Variants in TPRG1 observed in about 807,000 individuals in gnomAD.
TPRG1 encodes tumor protein p63 regulated 1.
TPRG1 carries 29 observed loss-of-function variants against 29.3 expected under a neutral mutation model. That is an observed-to-expected ratio of 0.99 (90% CI 0.74 to 1.35). The LOEUF (loss-of-function observed/expected upper bound fraction) is 1.35. Ranked by LOEUF, TPRG1 falls within the 40% of genes most tolerant of loss-of-function variation. The probability of loss-of-function intolerance (pLI) is 0.00; values close to 1 mark genes in which losing one functional copy is unlikely to be tolerated. For synonymous variants in TPRG1, 130 were observed against 116.8 expected (o/e 1.11, Z -0.73); for missense variants, 327 against 335.0 (o/e 0.98, Z 0.19).
rs761057906 is a variant in TPRG1, at chr3:189,207,461, C to T, written c.77C>T (p.Thr26Ile). The T allele has an allele frequency of 1.2e-6, 2 of 1,613,966 alleles. No individual in the cohort carries two copies. Among genetic ancestry groups the T allele is most frequent in the African/African-American group, 2.7e-5 (2 of 74,908 alleles). The change falls in exon 2 of 6, where the codon ACT (threonine) becomes ATT (isoleucine). Residue 26 changes from threonine (T) to isoleucine (I), a missense_variant. Physicochemically the swap from Thr to Ile is moderately conservative, Grantham distance 89. Coordinates refer to ENST00000345063, the MANE Select transcript of TPRG1 (RefSeq NM_198485.4). ...GAGGGAGATGACCAACCCTCTGAGA[C>T]TGACCACCTATCGATGGAGGAAGAG... ...KQEGDDQPSE[T>I]DHLSMEEEDP...
At chr3:189,053,430 C>T (rs1560416347) in intron 4 of TPRG1, among the ~76,000 whole-genome samples, 1 of 152,110 alleles carries the variant, frequency 6.6e-6, no homozygotes, top group Non-Finnish European at 1.5e-5. Context: ...TCTCAGGAAA[C>T]CAAACATTTG....
chr3:188,998,738 A>G (rs1378591694), intron 1 of TPRG1, among the ~76,000 whole-genome samples: 6 of 152,220 alleles, frequency 3.9e-5, no homozygotes, highest in Admixed American at 3.3e-4. Context: ...CTAATATCAC[A>G]TACTCTCACT....
intron 1 of TPRG1, among the ~76,000 whole-genome samples, chr3:188,998,018 A>G (rs1229478491): frequency 1.3e-5 from 2 of 151,586 alleles, no homozygotes; most frequent in East Asian, 3.9e-4. Flanking sequence ...TCCCTCCCTC[A>G]CTCATTTGTT....
At chr3:189,033,104 C>CAGAAATG (rs1431486743) in intron 4 of TPRG1, among the ~76,000 whole-genome samples, 1 of 152,072 alleles carries the variant, frequency 6.6e-6, no homozygotes, top group Non-Finnish European at 1.5e-5. Context: ...AAAAATCACA[C>CAGAAATG]ATATCATTTC....
At chr3:189,066,441 C>G (rs987172981) in intron 4 of TPRG1, among the ~76,000 whole-genome samples, 16 of 151,916 alleles carry the variant, frequency 1.1e-4, no homozygotes, top group Non-Finnish European at 2.1e-4. Flanking sequence ...AAACTGACTT[C>G]GACAATACAT....
chr3:189,283,832 A>G (rs984351455), intron 4 of TPRG1, among the ~76,000 whole-genome samples: 3 of 152,258 alleles, frequency 2.0e-5, no homozygotes, highest in Non-Finnish European at 2.9e-5. Flanking sequence ...TGTCTAGATC[A>G]CAGAGCTAGT....
intron 3 of TPRG1, among the ~76,000 whole-genome samples, chr3:189,133,600 C>T (rs1460081290): frequency 2.6e-5 from 4 of 152,178 alleles, no homozygotes; most frequent in African/African-American, 4.8e-5. Flanking sequence ...TTGCTTTCTC[C>T]TCTGCCATGA....
intron 3 of TPRG1, among the ~76,000 whole-genome samples, chr3:189,134,422 T>C (rs1033568636): frequency 2.7e-5 from 4 of 147,026 alleles, no homozygotes; most frequent in African/African-American, 1.0e-4. Flanking sequence ...TTTTTTTTTT[T>C]TTTTTTTTGA....
chr3:189,061,636 C>G (rs980136147), intron 4 of TPRG1, among the ~76,000 whole-genome samples: 9 of 151,896 alleles, frequency 5.9e-5, no homozygotes, highest in African/African-American at 2.4e-5. Flanking sequence ...AATACATGAA[C>G]AGACACTTTT....
In TPRG1 at chr3:189,320,616, T is replaced by C; in HGVS notation, c.634-10T>C. ...TAACTAACTTTGTGCCTTCTTTTTT[T>C]CTTCTTCAGTTGTCTGGGTTCATGT... On this transcript the variant is annotated splice_polypyrimidine_tract_variant and intron_variant, in intron 5 of 5. Coordinates refer to ENST00000345063, the MANE Select transcript of TPRG1 (RefSeq NM_198485.4). The C allele has an allele frequency of 6.3e-7, 1 of 1,589,188 alleles. No individual in the cohort carries two copies.
intron 4 of TPRG1, among the ~76,000 whole-genome samples, chr3:189,268,038 A>G (rs1714425953): frequency 6.6e-6 from 1 of 152,178 alleles, no homozygotes; most frequent in Non-Finnish European, 1.5e-5. Flanking sequence ...AATACTGATT[A>G]ATGGTCTTGG....
At chr3:189,067,872 CAA>C (rs1179151551) in intron 4 of TPRG1, among the ~76,000 whole-genome samples, 9 of 152,012 alleles carry the variant, frequency 5.9e-5, no homozygotes, top group African/African-American at 2.2e-4. Context: ...AAACAATCGA[CAA>C]AAAGACAACC....
chr3:189,209,356 G>T (rs933844337), intron 2 of TPRG1, among the ~76,000 whole-genome samples: 1 of 152,100 alleles, frequency 6.6e-6, no homozygotes, highest in Admixed American at 6.5e-5. Context: ...TATTACACAG[G>T]TGTCTCTTGT....
chr3:189,147,969 A>G lies in TPRG1; in HGVS notation c.-227+322A>G, dbSNP rs115850799. On this transcript the variant is annotated intron_variant, in intron 4 of 6. Coordinates refer to the TPRG1 transcript ENST00000412373. ...CTAAGTTTCTCTGTCTTGGAACACA[A>G]ACAGCATAATCCTTTCTCAATCTTC... Among the ~76,000 whole-genome samples the G allele has an allele frequency of 3.2e-3, 485 of 152,302 alleles. 3 individuals carry two copies. The highest frequency in any genetic ancestry group is 0.011 in the African/African-American group (463 of 41,564).
At chr3:189,056,007 T>C (rs1293840900) in intron 4 of TPRG1, among the ~76,000 whole-genome samples, 2 of 146,786 alleles carry the variant, frequency 1.4e-5, no homozygotes, top group African/African-American at 2.6e-5. Context: ...AGGATCTCTC[T>C]CTCCCTCCCT....
At chr3:189,173,442 C>T (rs916905759) in intron 1 of TPRG1, among the ~76,000 whole-genome samples, 8 of 149,532 alleles carry the variant, frequency 5.4e-5, no homozygotes, top group Admixed American at 3.4e-4. Context: ...CGGGTTCAAG[C>T]GATTCTCCTG....
At chr3:189,181,721 G>C (rs1393803368) in intron 1 of TPRG1, among the ~76,000 whole-genome samples, 1 of 152,128 alleles carries the variant, frequency 6.6e-6, no homozygotes, top group Non-Finnish European at 1.5e-5. Context: ...CCTCTAAACT[G>C]TTCCAACCTC....
At chr3:189,183,216 A>C (rs1730470095) in intron 1 of TPRG1, among the ~76,000 whole-genome samples, 1 of 152,188 alleles carries the variant, frequency 6.6e-6, no homozygotes, top group Non-Finnish European at 1.5e-5. Flanking sequence ...AGGTTCCATG[A>C]TGCCCCGCAA....
chr3:189,255,251 A>G (rs1463699071), intron 4 of TPRG1, among the ~76,000 whole-genome samples: 3 of 152,132 alleles, frequency 2.0e-5, no homozygotes, highest in Non-Finnish European at 4.4e-5. Flanking sequence ...GAATTTTATC[A>G]AAGGCCTTTT....
Sources: allele counts gnomAD v4.1 joint callset (sites outside exome capture counted in the v4.1 genomes callset), GRCh38; gene constraint gnomAD v4.1.1; transcripts MANE v1.5; gene names NCBI Gene and HGNC (gene_info 2026-07-23, HGNC 2026-07-21).